EMC8: variants seen among roughly 807,000 people sequenced by gnomAD.
EMC8 encodes the protein ER membrane protein complex subunit 8.
Under a neutral mutation model 24.3 loss-of-function variants are expected in EMC8, and 11 were observed. The ratio of observed to expected loss-of-function variants is 0.45; its 90% CI spans 0.28 to 0.75. The LOEUF (loss-of-function observed/expected upper bound fraction) is 0.75, where lower values mean the gene tolerates loss of function less well. Among genes scored for constraint, EMC8 ranks in the 30% least tolerant of loss-of-function variants. The pLI, the probability that EMC8 is intolerant of heterozygous loss-of-function variation, is 0.12. For missense variants in EMC8, 277 were observed against 282.7 expected, an observed-to-expected ratio of 0.98 and a Z score of 0.14; for synonymous variants, 145 against 117.7, an observed-to-expected ratio of 1.23 and a Z score of -1.50.
chr16:85,791,490 G>A (rs546566591), intron 1 of EMC8, among the ~76,000 whole-genome samples: 2 of 152,186 alleles, frequency 1.3e-5, no homozygotes, highest in Middle Eastern at 3.4e-3. Flanking sequence ...TCTGACAGGC[G>A]CTGGTGTGTG....
chr16:85,783,180 G>A (rs1193623612), intron 2 of EMC8, among the ~76,000 whole-genome samples: 1 of 152,210 alleles, frequency 6.6e-6, no homozygotes, highest in Non-Finnish European at 1.5e-5. Flanking sequence ...ATGCACATCT[G>A]TAGACCCAGC....
intron 4 of EMC8, 49 bp from the exon 5 acceptor site, chr16:85,779,916 G>A: frequency 1.3e-6 from 2 of 1,554,792 alleles, no homozygotes; most frequent in Non-Finnish European, 1.8e-6. Flanking sequence ...AAAACGGGCG[G>A]CTTGTAACAG....
intron 2 of EMC8, chr16:85,788,758 GACACAA>G (rs1310679306): frequency 1.7e-6 from 1 of 573,464 alleles, no homozygotes; most frequent in African/African-American, 1.9e-5. Flanking sequence ...AAATAAAGAA[GACACAA>G]AACAGAATTC....
chr16:85,790,659 A>G (rs1181788893), intron 1 of EMC8, among the ~76,000 whole-genome samples: 2 of 152,112 alleles, frequency 1.3e-5, no homozygotes, highest in Non-Finnish European at 1.5e-5. Context: ...ATGTGCCATC[A>G]TGGGCCGGCC....
At position 85,780,566 on chromosome 16, in the gene EMC8, C is replaced by G. The variant is rs1597198243; in HGVS notation, c.379-93G>C. On this transcript the variant is annotated intron_variant, in intron 3 of 4. Transcript: ENST00000253457. ...TCGGGGCTCTCCCTGCAGCCGTGCC[C>G]ACGCTGGCTGGGGCAGAGACTCTTC... 8.2e-6 allele frequency: 7 copies of G among 852,794 alleles called. No individual in the cohort carries two copies. In the East Asian group the frequency reaches 1.3e-4, roughly 16 times the overall value. 52.8% of individuals were successfully genotyped at this position (852,794 alleles called of 1,614,324 possible). A position where few individuals can be genotyped will look rare whatever the true frequency, so the allele number is the denominator to read the frequency against.
intron 2 of EMC8, among the ~76,000 whole-genome samples, chr16:85,783,922 T>C (rs911618185): frequency 5.3e-5 from 8 of 152,242 alleles, no homozygotes; most frequent in Non-Finnish European, 1.2e-4. Flanking sequence ...CGTGCTGCTT[T>C]CCTTCTGTGC....
Position 85,779,022 on chromosome 16 carries a change from C to T in EMC8, c.*686G>A, listed in dbSNP as rs978595927. The T allele has an allele frequency of 2.0e-5, 3 of 152,228 alleles. No individual in the cohort carries two copies. Among genetic ancestry groups the T allele is most frequent in the African/African-American group, 7.2e-5 (3 of 41,454 alleles). 9.4% of individuals were successfully genotyped at this position (152,228 alleles called of 1,614,324 possible). ...GCAGGCACGTGAGCTTTCTGCGTGG[C>T]TGAAGAGCACCACACTGAGCTCCTG... On this transcript the variant is annotated 3_prime_UTR_variant, in exon 5 of 5. Coordinates refer to ENST00000253457, the MANE Select transcript of EMC8 (RefSeq NM_006067.5).
chr16:85,789,817 C>G (rs770943077), intron 1 of EMC8, among the ~76,000 whole-genome samples: 2 of 142,462 alleles, frequency 1.4e-5, no homozygotes, highest in African/African-American at 6.0e-5. Context: ...AAAAAAAAGT[C>G]TTTTATACTC....
chr16:85,792,260 C>T (rs1262969925), intron 1 of EMC8, among the ~76,000 whole-genome samples: 2 of 152,182 alleles, frequency 1.3e-5, no homozygotes, highest in Admixed American at 6.5e-5. Context: ...TAAGAAAACT[C>T]CAAGGGCCCA....
At chr16:85,793,939 T>C (rs1905132222) in intron 1 of EMC8, among the ~76,000 whole-genome samples, 1 of 152,150 alleles carries the variant, frequency 6.6e-6, no homozygotes, top group African/African-American at 2.4e-5. Flanking sequence ...GCAAAAAGCA[T>C]GCACAAATGC....
chr16:85,783,607 C>A (rs1201676436), intron 2 of EMC8, among the ~76,000 whole-genome samples: 6 of 152,228 alleles, frequency 3.9e-5, no homozygotes, highest in East Asian at 1.9e-4. Flanking sequence ...CTCAGGCTGG[C>A]AGAGGCAGGC....
intron 2 of EMC8, among the ~76,000 whole-genome samples, chr16:85,786,199 C>A (rs1291492657): frequency 6.6e-6 from 1 of 152,180 alleles, no homozygotes; most frequent in African/African-American, 2.4e-5. Flanking sequence ...CACAGAGGCC[C>A]AAGGAGGTTA....
Position 85,781,039 on chromosome 16 carries a change from T to C in EMC8, c.378+172A>G. ...TAGTGATGCGGAAGCACAGAAGCCA[T>C]GGCCTGGGATTCAACTGGTCTGCAG... On this transcript the variant is annotated intron_variant, in intron 3 of 4. Transcript: ENST00000253457. 5.0e-6 allele frequency: 3 copies of C among 594,554 alleles called. No homozygotes were observed. In the South Asian group the frequency reaches 5.9e-5, roughly 12 times the overall value. 36.8% of individuals were successfully genotyped at this position (594,554 alleles called of 1,614,324 possible).
intron 1 of EMC8, among the ~76,000 whole-genome samples, chr16:85,792,091 T>C (rs1245717159): frequency 2.6e-5 from 4 of 152,224 alleles, no homozygotes; most frequent in African/African-American, 9.6e-5. Context: ...TTTCCTGGGC[T>C]GAAGCCACCT....
intron 1 of EMC8, among the ~76,000 whole-genome samples, chr16:85,789,742 A>G (rs929969549): frequency 1.3e-5 from 2 of 152,014 alleles, no homozygotes; most frequent in African/African-American, 4.8e-5. Context: ...CAGTGAGCCA[A>G]GATCATGCCA....
chr16:85,796,489 C>A (rs531052756), intron 1 of EMC8, among the ~76,000 whole-genome samples: 1 of 152,142 alleles, frequency 6.6e-6, no homozygotes, highest in Non-Finnish European at 1.5e-5. Flanking sequence ...GGCCATCACT[C>A]GAAGGCACTG....
rs1006373732 is a variant in EMC8 at position 85,778,934 on chromosome 16, C to T, written c.*774G>A. On this transcript the variant is annotated 3_prime_UTR_variant, in exon 5 of 5. Transcript: ENST00000253457. ...AGTACAGACGTCACTCTGCACAACT[C>T]GGGAAGTCTAAGTCTTGTTTTTCCT... The T allele has an allele frequency of 1.1e-4, 16 of 152,340 alleles. No individual in the cohort carries two copies. Among genetic ancestry groups the T allele is most frequent in the African/African-American group, 2.2e-4 (9 of 41,584 alleles). The allele number at this position is 152,340 out of a possible 1,614,324, so 9.4% of individuals were successfully genotyped here.
Position 85,779,796 on chromosome 16 carries a change from G to A in EMC8, c.545C>T (p.Thr182Met), listed in dbSNP as rs142989520. Residue 182 changes from threonine to methionine, a missense_variant, in exon 5 of 5, where the codon ACG becomes ATG. Transcript: ENST00000253457. ...ASLLDSRSYE[T>M]LVDFDNHLDD... The stretch of plus-strand genomic sequence containing the variant: ...CAGGTGGTTATCGAAATCCACGAGC[G>A]TCTCGTAGGACCGGCTGTCCAGGAG... 160 of 1,613,922 alleles carry A rather than the reference G, an allele frequency of 9.9e-5. No homozygotes were observed. Among genetic ancestry groups the A allele is most frequent in the Middle Eastern group, 3.3e-4 (2 of 6,084 alleles).
Position 85,780,247 on chromosome 16 carries a change from A to C in EMC8, c.473+132T>G, listed in dbSNP as rs149050300. On this transcript the variant is annotated intron_variant, in intron 4 of 4. Transcript: ENST00000253457. ...GCGCTGGAACACTGGGGCCTACAGGAGCCGGGGAATATGCTTGGTATCATG... is the reference window on the plus strand; with the variant it reads ...GCGCTGGAACACTGGGGCCTACAGGCGCCGGGGAATATGCTTGGTATCATG... The C allele has an allele frequency of 1.4e-3, 966 of 691,930 alleles. 7 individuals carry two copies. The African/African-American group carries it at 0.016, about 11-fold the overall frequency. 42.9% of individuals were successfully genotyped at this position (691,930 alleles called of 1,614,324 possible).
Sources: gnomAD v4.1 joint callset for allele counts (sites outside exome capture counted in the v4.1 genomes callset) on GRCh38, gnomAD v4.1.1 for gene constraint, MANE v1.5 for transcripts, NCBI Gene and HGNC (gene_info 2026-07-23, HGNC 2026-07-21) for gene names.